Variants in HDAC9 observed in about 807,000 individuals in gnomAD.
The protein encoded by HDAC9 is histone deacetylase 9.
HDAC9 carries 41 observed loss-of-function variants against 139.4 expected under a neutral mutation model. The observed-to-expected ratio is 0.29, with a 90% CI of 0.23 to 0.38. The LOEUF (loss-of-function observed/expected upper bound fraction) is 0.38. Among genes scored for constraint, HDAC9 ranks in the 10% least tolerant of loss-of-function variants. The probability of loss-of-function intolerance (pLI) is 1.00; values close to 1 mark genes in which losing one functional copy is unlikely to be tolerated. For synonymous variants in HDAC9, 517 were observed against 476.2 expected, an observed-to-expected ratio of 1.09 and a Z score of -1.12; for missense variants, 1,147 against 1,297.0, an observed-to-expected ratio of 0.88 and a Z score of 1.78.
chr7:18,737,715 C>T (rs892397906), intron 13 of HDAC9, among the ~76,000 whole-genome samples: 2 of 152,106 alleles, frequency 1.3e-5, no homozygotes, highest in Non-Finnish European at 2.9e-5. Context: ...CGATGTGGTG[C>T]TGAGAAGAAT....
intron 23 of HDAC9, among the ~76,000 whole-genome samples, chr7:18,944,312 T>C (rs1043547438): frequency 6.6e-6 from 1 of 152,224 alleles, no homozygotes; most frequent in Non-Finnish European, 1.5e-5. Context: ...TTCTGCATTT[T>C]GTCTGAGTCG....
At chr7:18,844,289 T>C (rs925192598) in intron 21 of HDAC9, among the ~76,000 whole-genome samples, 1 of 152,176 alleles carries the variant, frequency 6.6e-6, no homozygotes. Context: ...GGTGAGCTTA[T>C]GAACGACAAA....
intron 25 of HDAC9, among the ~76,000 whole-genome samples, chr7:18,989,560 T>G (rs1785684411): frequency 6.6e-6 from 1 of 150,498 alleles, no homozygotes; most frequent in Non-Finnish European, 1.5e-5. Context: ...AGGAGTATCT[T>G]TGTGGCGTTC....
At chr7:18,299,295 A>G (rs1798379148) in intron 1 of HDAC9, among the ~76,000 whole-genome samples, 1 of 151,966 alleles carries the variant, frequency 6.6e-6, no homozygotes, top group Non-Finnish European at 1.5e-5. Flanking sequence ...TACTTAGAAA[A>G]GTTCTGATAA....
At chr7:18,797,806 G>T (rs946638080) in intron 17 of HDAC9, among the ~76,000 whole-genome samples, 1 of 151,868 alleles carries the variant, frequency 6.6e-6, no homozygotes, top group African/African-American at 2.4e-5. Context: ...TCCAGCCTGG[G>T]TGGCAGAGTA....
chr7:18,659,599 G>T (rs184150354), intron 11 of HDAC9, among the ~76,000 whole-genome samples: 167 of 152,182 alleles, frequency 1.1e-3, no homozygotes, highest in African/African-American at 3.6e-3. Context: ...TTAGTGTTCG[G>T]CCCAATTGCT....
At chr7:18,269,181 A>G (rs1361875231) in intron 2 of HDAC9, among the ~76,000 whole-genome samples, 1 of 152,168 alleles carries the variant, frequency 6.6e-6, no homozygotes, top group African/African-American at 2.4e-5. Context: ...TTGCAGATAT[A>G]CACACATATA....
chr7:18,473,023 G>A (rs559055160), intron 1 of HDAC9, among the ~76,000 whole-genome samples: 93 of 152,280 alleles, frequency 6.1e-4, no homozygotes, highest in African/African-American at 2.2e-3. Context: ...ACCTGTCTGG[G>A]ATATGTCAAA....
Position 18,997,552 on chromosome 7 carries a change from C to G in HDAC9, c.*1490C>G, listed in dbSNP as rs1170287038. 1 of 151,986 alleles carries G rather than the reference C, an allele frequency of 6.6e-6. No individual in the cohort carries two copies. Among genetic ancestry groups the G allele is most frequent in the Non-Finnish European group, 1.5e-5 (1 of 67,972 alleles). The allele number at this position is 151,986 out of a possible 1,614,324, so 9.4% of individuals were successfully genotyped here. On this transcript the variant is annotated 3_prime_UTR_variant, in exon 26 of 26. Coordinates refer to ENST00000686413, the MANE Select transcript of HDAC9 (RefSeq NM_178425.4). ...TTGATGTTTCTTTTTATATATTTTTCTAACTCAAAGGATATATTAAAGCCA... is the reference window on the plus strand; with the variant it reads ...TTGATGTTTCTTTTTATATATTTTTGTAACTCAAAGGATATATTAAAGCCA...
chr7:18,163,503 G>C (rs1189027415), intron 2 of HDAC9, among the ~76,000 whole-genome samples: 2 of 152,092 alleles, frequency 1.3e-5, no homozygotes, highest in Non-Finnish European at 2.9e-5. Context: ...AGTCTAGAGT[G>C]GGGCACAGGA....
intron 12 of HDAC9, among the ~76,000 whole-genome samples, chr7:18,725,167 T>TA (rs1785444026): frequency 6.6e-6 from 1 of 152,010 alleles, no homozygotes; most frequent in Non-Finnish European, 1.5e-5. Flanking sequence ...CAAAACATTT[T>TA]AAATTTTAAT....
intron 6 of HDAC9, among the ~76,000 whole-genome samples, chr7:18,598,115 A>G (rs1832969420): frequency 6.6e-6 from 1 of 152,158 alleles, no homozygotes; most frequent in African/African-American, 2.4e-5. Context: ...TATTTTTAAT[A>G]GTTTAGAATA....
At chr7:18,427,105 C>A (rs756004599) in intron 1 of HDAC9, among the ~76,000 whole-genome samples, 3 of 152,112 alleles carry the variant, frequency 2.0e-5, no homozygotes, top group African/African-American at 7.2e-5. Flanking sequence ...TGGTATTAAC[C>A]GGCTGGAGAG....
At chr7:18,916,680 A>C (rs1400793364) in intron 22 of HDAC9, among the ~76,000 whole-genome samples, 17 of 152,024 alleles carry the variant, frequency 1.1e-4, no homozygotes, top group Non-Finnish European at 1.5e-5. Context: ...TAAGTGCAGC[A>C]TTCTACCCGC....
intron 17 of HDAC9, among the ~76,000 whole-genome samples, chr7:18,818,696 C>T (rs749031878): frequency 3.9e-5 from 6 of 152,132 alleles, no homozygotes; most frequent in Non-Finnish European, 7.4e-5. Context: ...TATTTATTGG[C>T]TGATTCTGGT....
intron 22 of HDAC9, among the ~76,000 whole-genome samples, chr7:18,905,850 GTTTCTTTC>G (rs148148225): frequency 4.0e-5 from 6 of 150,596 alleles, no homozygotes; most frequent in Non-Finnish European, 8.9e-5. Context: ...ATGCTGAATA[GTTTCTTTC>G]TTTCTTTCTT....
intron 1 of HDAC9, among the ~76,000 whole-genome samples, chr7:18,344,947 C>T (rs1489035793): frequency 6.6e-6 from 1 of 151,984 alleles, no homozygotes; most frequent in African/African-American, 2.4e-5. Flanking sequence ...AAAAAGTAAT[C>T]AGTCAGGTCA....
intron 2 of HDAC9, 43 bp from the exon 3 acceptor site, chr7:18,585,238 T>C (rs1829095947): frequency 6.3e-7 from 1 of 1,597,944 alleles, no homozygotes; most frequent in African/African-American, 1.3e-5. Flanking sequence ...CAATCTTCTA[T>C]TACCCTCCCC....
chr7:18,484,571 C>T (rs1795828590), intron 1 of HDAC9, among the ~76,000 whole-genome samples: 1 of 152,118 alleles, frequency 6.6e-6, no homozygotes, highest in Admixed American at 6.6e-5. Flanking sequence ...AAGGGGATAG[C>T]ATTAACTTAT....
Sources: gnomAD v4.1 joint callset for allele counts (sites outside exome capture counted in the v4.1 genomes callset) on GRCh38, gnomAD v4.1.1 for gene constraint, MANE v1.5 for transcripts, NCBI Gene and HGNC (gene_info 2026-07-23, HGNC 2026-07-21) for gene names.